The following PLXND1 variants were observed in gnomAD, a reference collection of about 807,000 sequenced individuals.
PLXND1 encodes the protein plexin D1.
Under a neutral mutation model 197.7 loss-of-function variants are expected in PLXND1, and 54 were observed. That is an observed-to-expected ratio of 0.27 (90% CI 0.22 to 0.34). The LOEUF is 0.34. Ranked by LOEUF, PLXND1 falls within the 10% of genes least tolerant of loss-of-function variation. PLXND1 has a pLI of 1.00. For synonymous variants in PLXND1, 1,180 were observed against 1,161.2 expected, an observed-to-expected ratio of 1.02 and a Z score of -0.33; for missense variants, 2,127 against 2,699.2, an observed-to-expected ratio of 0.79 and a Z score of 4.70.
intron 34 of PLXND1, 192 bp downstream of exon 34, chr3:129,556,891 C>T: frequency 2.8e-6 from 2 of 711,244 alleles, no homozygotes; most frequent in Non-Finnish European, 4.7e-6. Context: ...CCAGAGGGTG[C>T]TCTCCTGCCC....
intron 10 of PLXND1, 93 bp from the exon 11 acceptor site, chr3:129,575,655 GC>G: frequency 1.6e-6 from 2 of 1,238,214 alleles, no homozygotes; most frequent in South Asian, 1.3e-5. Context: ...AGTTGGGGCT[GC>G]TGGGGATGGG....
At chr3:129,599,109 G>T (rs2085668828) in intron 1 of PLXND1, among the ~76,000 whole-genome samples, 1 of 152,152 alleles carries the variant, frequency 6.6e-6, no homozygotes, top group Admixed American at 6.5e-5. Context: ...TCTCTCCCGG[G>T]GCTCCTGCCC....
At position 129,605,969 on chromosome 3, in the gene PLXND1, T is replaced by A; in HGVS notation, c.671A>T (p.Asn224Ile). ...GAAGCGGTGGTCCTCCAGGCTGCGG[T>A]TGCGCGGGAAGAAGGAGCTGCCGTA... ...TGYGSSFFPR[N>I]RSLEDHRFEN... is the part of the protein sequence containing the mutation. The change falls in exon 1 of 36, where the codon AAC becomes ATC. Residue 224 changes from asparagine (N) to isoleucine (I), a missense_variant. Physicochemically the swap from Asn to Ile is moderately radical, Grantham distance 149. Around this residue, in one of 6 missense-constraint regions of PLXND1, gnomAD observed 1,095 missense variants for 1,259.8 expected, o/e 0.87. Coordinates refer to ENST00000324093, the MANE Select transcript of PLXND1 (RefSeq NM_015103.3). The A allele has an allele frequency of 6.2e-7, 1 of 1,611,674 alleles. No individual in the cohort carries two copies. The highest frequency in any genetic ancestry group is 2.2e-5 in the East Asian group (1 of 44,786).
Position 129,566,514 on chromosome 3 carries a change from G to A in PLXND1, c.4191+13C>T, listed in dbSNP as rs747811862. ...TGAAGCAGCCCACTGTGTGTGGGTC[G>A]TGGGGTACTCACCTTCCACTCTCCC... On this transcript the variant is annotated intron_variant, in intron 23 of 35. Coordinates refer to ENST00000324093, the MANE Select transcript of PLXND1 (RefSeq NM_015103.3). 1.0e-5 allele frequency: 16 copies of A among 1,536,188 alleles called. No homozygotes were observed. The highest frequency in any genetic ancestry group is 4.1e-5 in the African/African-American group (3 of 73,414).
rs1379121283 is a variant in PLXND1 at position 129,561,678 on chromosome 3, A to G, written c.4961T>C (p.Leu1654Pro). ...IPEGASLAMS[L>P]IDKKDNTLGR... ...CAGTGTGTTGTCCTTCTTGTCTATG[A>G]GACTCATGGCCAGGGAGGCACCTTC... The change falls in exon 29 of 36, where the codon CTC becomes CCC. Residue 1654 changes from leucine to proline, a missense_variant. Around this residue, in one of 6 missense-constraint regions of PLXND1, gnomAD observed 532 missense variants for 811.0 expected, o/e 0.66. Coordinates refer to ENST00000324093, the MANE Select transcript of PLXND1 (RefSeq NM_015103.3). 1.9e-6 allele frequency: 3 copies of G among 1,606,950 alleles called. No homozygotes were observed. Among genetic ancestry groups the G allele is most frequent in the Non-Finnish European group, 2.5e-6 (3 of 1,177,318 alleles).
chr3:129,584,080 G>A (rs1440189587), intron 7 of PLXND1, 45 bp downstream of exon 7: 13 of 1,298,278 alleles, frequency 1.0e-5, no homozygotes, highest in Admixed American at 2.0e-5. Flanking sequence ...CCGGGGATGC[G>A]TTCCTCCCTC....
Position 129,577,894 on chromosome 3 carries a change from G to A in PLXND1, c.2346+435C>T, listed in dbSNP as rs1304396353. Among the ~76,000 whole-genome samples, 1 of 152,244 alleles carries A rather than the reference G, an allele frequency of 6.6e-6. No homozygotes were observed. Among genetic ancestry groups the A allele is most frequent in the Non-Finnish European group, 1.5e-5 (1 of 68,032 alleles). ...GGACAATGGGGAATGGGGTGGCCAA[G>A]GGGTTCTCTGGTCATTCTGCAGGGA... On this transcript the variant is annotated intron_variant, in intron 9 of 35. Coordinates refer to ENST00000324093, the MANE Select transcript of PLXND1 (RefSeq NM_015103.3). The surrounding 1 kb of genome is among the most constrained non-coding windows in gnomAD (Gnocchi z 5.0).
At chr3:129,590,097 C>T (rs977744746) in intron 1 of PLXND1, among the ~76,000 whole-genome samples, 4 of 152,218 alleles carry the variant, frequency 2.6e-5, no homozygotes, top group Non-Finnish European at 5.9e-5. Flanking sequence ...GCTTGCAAGA[C>T]TCCAGGTGGA....
At chr3:129,604,083 G>T (rs944929818) in intron 1 of PLXND1, among the ~76,000 whole-genome samples, 1 of 152,064 alleles carries the variant, frequency 6.6e-6, no homozygotes, top group Non-Finnish European at 1.5e-5. Flanking sequence ...GTCCCCTCCC[G>T]CACCCTTGTC....
chr3:129,584,010 G>T, intron 7 of PLXND1, 115 bp downstream of exon 7: 1 of 693,262 alleles, frequency 1.4e-6, no homozygotes, highest in Non-Finnish European at 2.6e-6. Context: ...TGAAGGGCCT[G>T]TCTACCTCTA....
At chr3:129,568,962 G>A (rs532734244) in intron 20 of PLXND1, among the ~76,000 whole-genome samples, 5 of 152,276 alleles carry the variant, frequency 3.3e-5, no homozygotes, top group Admixed American at 6.5e-5. Context: ...CTCCCCATTC[G>A]TGTTCTCCCT....
intron 25 of PLXND1, among the ~76,000 whole-genome samples, chr3:129,563,586 C>T (rs532197752): frequency 2.0e-5 from 3 of 152,360 alleles, no homozygotes; most frequent in East Asian, 1.9e-4. Flanking sequence ...GGACCTGGCT[C>T]GGCTGACTCC....
chr3:129,560,814 A>AAGACAGAAAGATGGGGAGAG, intron 29 of PLXND1, 91 bp from the exon 30 acceptor site: 1 of 815,900 alleles, frequency 1.2e-6, no homozygotes, highest in Non-Finnish European at 2.2e-6. Context: ...AAACAGAAAC[A>AAGACAGAAAGATGGGGAGAG]AGACAGAAAG....
At chr3:129,570,962 C>T (rs1466293959) in intron 18 of PLXND1, 27 bp from the exon 19 acceptor site, 4 of 1,614,016 alleles carry the variant, frequency 2.5e-6, no homozygotes, top group South Asian at 2.2e-5. Context: ...GGAGGATGCT[C>T]ATGGGGAAGT....
In PLXND1 at chr3:129,584,103, GCAAGCCACC is replaced by G; in HGVS notation, c.2138+13_2138+21del. 2 of 1,501,810 alleles carry G rather than the reference GCAAGCCACC, an allele frequency of 1.3e-6. No homozygotes were observed. The highest frequency in any genetic ancestry group is 1.8e-6 in the Non-Finnish European group (2 of 1,101,574). 93.0% of individuals were successfully genotyped at this position (1,501,810 alleles called of 1,614,324 possible). A position where few individuals can be genotyped will look rare whatever the true frequency, so the allele number is the denominator to read the frequency against. On this transcript the variant is annotated intron_variant, in intron 7 of 35. Transcript: ENST00000324093. ...GCGTTCCTCCCTCCACCAACTGGAG[GCAAGCCACC>G]CAAGCCACTCACGCTGTGTGGGGGT...
chr3:129,580,421 C>T (rs1560072972), intron 8 of PLXND1, among the ~76,000 whole-genome samples: 1 of 152,168 alleles, frequency 6.6e-6, no homozygotes. Context: ...CCACGGAATC[C>T]GAGGGCATGG....
chr3:129,567,750 C>A lies in PLXND1; in HGVS notation c.3921G>T (p.Thr1307=). ...ATTCCATCTCCTCCATCTGCAGCAG[C>A]GTCTTCTGCCAGTAACGCTCAGCAC... ...SRRAERYWQK[T]LLQMEEMESQ... The change falls in exon 21 of 36, where the codon ACG becomes ACT. Residue 1307 remains threonine (T), a synonymous_variant. Coordinates refer to ENST00000324093, the MANE Select transcript of PLXND1 (RefSeq NM_015103.3). 6.2e-7 allele frequency: 1 copy of A among 1,613,534 alleles called. No homozygotes were observed. The highest frequency in any genetic ancestry group is 8.5e-7 in the Non-Finnish European group (1 of 1,179,418).
At chr3:129,560,574 C>T in intron 30 of PLXND1, 115 bp downstream of exon 30, 2 of 978,464 alleles carry the variant, frequency 2.0e-6, no homozygotes, top group Non-Finnish European at 3.2e-6. Context: ...ACTCCCCCAC[C>T]CCCCAGCCTT....
At position 129,555,335 on chromosome 3, in the gene PLXND1, T is replaced by C. The variant is rs2084958183; in HGVS notation, c.*977A>G. 1 of 585,066 alleles carries C rather than the reference T, an allele frequency of 1.7e-6. No individual in the cohort carries two copies. The highest frequency in any genetic ancestry group is 2.0e-5 in the African/African-American group (1 of 50,848). 36.2% of individuals were successfully genotyped at this position (585,066 alleles called of 1,614,324 possible). A position where few individuals can be genotyped will look rare whatever the true frequency, so the allele number is the denominator to read the frequency against. On this transcript the variant is annotated 3_prime_UTR_variant, in exon 36 of 36. Transcript: ENST00000324093. The stretch of plus-strand genomic sequence containing the variant: ...CTGAGTTGGCTGCGAGGGGCCCGCA[T>C]GGCCCATCGGCCACAGAGGGTCGTT...
Sources: gnomAD v4.1 joint callset for allele counts (sites outside exome capture counted in the v4.1 genomes callset) on GRCh38, gnomAD v4.1.1 for gene constraint, gnomAD v4.1.1 regional missense constraint, Gnocchi (gnomAD v3.1) non-coding constraint, MANE v1.5 for transcripts, NCBI Gene and HGNC (gene_info 2026-07-23, HGNC 2026-07-21) for gene names.